ZCCHC7: variants seen among roughly 807,000 people sequenced by gnomAD.
The protein encoded by ZCCHC7 is zinc finger CCHC domain-containing protein 7.
A neutral mutation model predicts 52.0 loss-of-function variants in ZCCHC7; 35 were observed. The observed-to-expected ratio is 0.67, with a 90% CI of 0.51 to 0.89. The LOEUF (loss-of-function observed/expected upper bound fraction) is 0.89, where lower values mean the gene tolerates loss of function less well. Ranked by LOEUF, ZCCHC7 falls within the 40% of genes least tolerant of loss-of-function variation. ZCCHC7 has a pLI of 0.00. For missense variants in ZCCHC7, 574 were observed against 649.1 expected, an observed-to-expected ratio of 0.88 and a Z score of 1.26; for synonymous variants, 217 against 221.5, an observed-to-expected ratio of 0.98 and a Z score of 0.18.
chr9:37,143,977 A>C (rs1843334599), intron 2 of ZCCHC7, among the ~76,000 whole-genome samples: 1 of 151,872 alleles, frequency 6.6e-6, no homozygotes, highest in Non-Finnish European at 1.5e-5. Flanking sequence ...TTGGTGTGTA[A>C]TAATTTTATT....
intron 2 of ZCCHC7, among the ~76,000 whole-genome samples, chr9:37,224,605 A>C (rs1588508748): frequency 6.6e-6 from 1 of 152,322 alleles, no homozygotes; most frequent in East Asian, 1.9e-4. Context: ...TATTGCCTAG[A>C]GACAGTTTTG....
intron 2 of ZCCHC7, among the ~76,000 whole-genome samples, chr9:37,242,848 A>G (rs893342136): frequency 6.6e-6 from 1 of 151,828 alleles, no homozygotes; most frequent in Admixed American, 6.6e-5. Context: ...ATGAAAGTAT[A>G]TTTGAACTTC....
intron 2 of ZCCHC7, among the ~76,000 whole-genome samples, chr9:37,168,094 A>G (rs897527299): frequency 1.1e-4 from 16 of 152,114 alleles, no homozygotes; most frequent in Non-Finnish European, 1.5e-4. Flanking sequence ...CCTTTCTGCT[A>G]AACTCCAGGA....
At chr9:37,250,106 A>T (rs1826256112) in intron 2 of ZCCHC7, among the ~76,000 whole-genome samples, 1 of 152,134 alleles carries the variant, frequency 6.6e-6, no homozygotes, top group South Asian at 2.1e-4. Flanking sequence ...CTTTCCTCAT[A>T]GGGTTGTTGT....
At chr9:37,165,034 TTC>T (rs1821343548) in intron 2 of ZCCHC7, among the ~76,000 whole-genome samples, 1 of 152,240 alleles carries the variant, frequency 6.6e-6, no homozygotes, top group African/African-American at 2.4e-5. Context: ...CTTCTTTTAT[TTC>T]TGTCAACAAT....
At chr9:37,286,341 C>T (rs1215703038) in intron 2 of ZCCHC7, among the ~76,000 whole-genome samples, 2 of 152,076 alleles carry the variant, frequency 1.3e-5, no homozygotes, top group African/African-American at 4.8e-5. Context: ...GTAATACCTA[C>T]CTTTATAAGA....
chr9:37,240,335 T>C (rs1825823286), intron 2 of ZCCHC7, among the ~76,000 whole-genome samples: 1 of 152,014 alleles, frequency 6.6e-6, no homozygotes, highest in Non-Finnish European at 1.5e-5. Context: ...ATTAAATTTA[T>C]ATTTATATGT....
intron 2 of ZCCHC7, among the ~76,000 whole-genome samples, chr9:37,181,857 T>A (rs868416328): frequency 7.2e-5 from 11 of 152,108 alleles, no homozygotes; most frequent in East Asian, 3.8e-4. Flanking sequence ...TATAAATTTT[T>A]AAAAAAAATT....
chr9:37,255,379 G>A (rs972454553), intron 2 of ZCCHC7, among the ~76,000 whole-genome samples: 3 of 151,984 alleles, frequency 2.0e-5, no homozygotes, highest in Non-Finnish European at 4.4e-5. Flanking sequence ...TAACCCAGAT[G>A]GCTACTAGGT....
chr9:37,334,399 A>G (rs1240221542), intron 6 of ZCCHC7, among the ~76,000 whole-genome samples: 2 of 152,028 alleles, frequency 1.3e-5, no homozygotes, highest in East Asian at 3.9e-4. Flanking sequence ...ACTCACAATC[A>G]TGATCAACCA....
intron 2 of ZCCHC7, among the ~76,000 whole-genome samples, chr9:37,188,298 C>T (rs1785222486): frequency 6.6e-6 from 1 of 152,060 alleles, no homozygotes; most frequent in East Asian, 1.9e-4. Flanking sequence ...CAGATGTGTG[C>T]CATCATGCCT....
intron 2 of ZCCHC7, among the ~76,000 whole-genome samples, chr9:37,131,333 C>CT: frequency 7.3e-6 from 1 of 137,578 alleles, no homozygotes. Context: ...GAGCGAGACT[C>CT]TGTCAAAAAA....
At chr9:37,174,821 A>G (rs572449538) in intron 2 of ZCCHC7, among the ~76,000 whole-genome samples, 4 of 152,258 alleles carry the variant, frequency 2.6e-5, no homozygotes, top group African/African-American at 7.2e-5. Flanking sequence ...TTTATGGGAA[A>G]GTTACCCTAA....
rs73448433 is a variant in ZCCHC7, at chr9:37,164,910, G to A, written c.610+37968G>A. 4.3e-3 allele frequency among the ~76,000 whole-genome samples: 656 copies of A among 152,310 alleles called. 3 individuals are homozygous for A. Among genetic ancestry groups the A allele is most frequent in the African/African-American group, 0.015 (627 of 41,562 alleles). On this transcript the variant is annotated intron_variant, in intron 2 of 8. Transcript: ENST00000336755. ...AAGTGTAGTCCGTTTCTTCCAGAAAGTGTGGTGGGGGGTGAATTGGGATTG... is the reference window on the plus strand; with the variant it reads ...AAGTGTAGTCCGTTTCTTCCAGAAAATGTGGTGGGGGGTGAATTGGGATTG...
chr9:37,179,333 C>T (rs1822225566), intron 2 of ZCCHC7, among the ~76,000 whole-genome samples: 2 of 151,974 alleles, frequency 1.3e-5, no homozygotes, highest in Admixed American at 1.3e-4. Context: ...TGAACAATAC[C>T]CTGTGTGGTG....
chr9:37,159,544 G>T (rs1391618093), intron 2 of ZCCHC7, among the ~76,000 whole-genome samples: 1 of 152,140 alleles, frequency 6.6e-6, no homozygotes, highest in Non-Finnish European at 1.5e-5. Flanking sequence ...TTTTGTTGGG[G>T]TGGAACTTGG....
intron 5 of ZCCHC7, among the ~76,000 whole-genome samples, chr9:37,310,611 C>G (rs1829542235): frequency 6.6e-6 from 1 of 152,124 alleles, no homozygotes; most frequent in Non-Finnish European, 1.5e-5. Flanking sequence ...TGATGCTATA[C>G]TTTATGACTA....
chr9:37,330,477 A>G (rs1180668802), intron 6 of ZCCHC7, among the ~76,000 whole-genome samples: 1 of 151,598 alleles, frequency 6.6e-6, no homozygotes, highest in Non-Finnish European at 1.5e-5. Context: ...TGGTGACACC[A>G]TCTTTCTATG....
At chr9:37,194,858 T>C (rs553182359) in intron 2 of ZCCHC7, among the ~76,000 whole-genome samples, 3 of 152,240 alleles carry the variant, frequency 2.0e-5, no homozygotes, top group Admixed American at 1.3e-4. Context: ...CCAAAGGATG[T>C]CTTTGTATGT....
Sources: allele counts gnomAD v4.1 joint callset (sites outside exome capture counted in the v4.1 genomes callset), GRCh38; gene constraint gnomAD v4.1.1; transcripts MANE v1.5; gene names NCBI Gene and HGNC (gene_info 2026-07-23, HGNC 2026-07-21).